LSAMP: variants seen among roughly 807,000 people sequenced by gnomAD.
The protein encoded by LSAMP is limbic system-associated membrane protein.
LSAMP carries 7 observed loss-of-function variants against 38.6 expected under a neutral mutation model. That is an observed-to-expected ratio of 0.18 (90% confidence interval 0.10 to 0.34). The LOEUF (loss-of-function observed/expected upper bound fraction) is 0.34, where lower values mean the gene tolerates loss of function less well. Among genes scored for constraint, LSAMP ranks in the 10% least tolerant of loss-of-function variants. LSAMP has a pLI of 1.00. For synonymous variants in LSAMP, 154 were observed against 166.8 expected (o/e 0.92, Z 0.59); for missense variants, 313 against 420.0 (o/e 0.75, Z 2.23).
chr3:116,164,630 T>A (rs1260724089), intron 1 of LSAMP, among the ~76,000 whole-genome samples: 1 of 123,570 alleles, frequency 8.1e-6, no homozygotes, highest in Non-Finnish European at 1.7e-5. Context: ...ATAATCCAAA[T>A]ATATATATAT....
At chr3:116,062,642 A>G (rs1425439022) in intron 2 of LSAMP, among the ~76,000 whole-genome samples, 1 of 152,200 alleles carries the variant, frequency 6.6e-6, no homozygotes, top group Non-Finnish European at 1.5e-5. Context: ...GTTATGTAAC[A>G]GTCTTCTGCG....
intron 1 of LSAMP, among the ~76,000 whole-genome samples, chr3:116,112,817 A>G (rs1322264721): frequency 6.6e-6 from 1 of 152,238 alleles, no homozygotes; most frequent in African/African-American, 2.4e-5. Flanking sequence ...ACCCTACCCA[A>G]CAATACTGTT....
chr3:116,231,298 C>T (rs2046400258), intron 1 of LSAMP, among the ~76,000 whole-genome samples: 1 of 152,122 alleles, frequency 6.6e-6, no homozygotes, highest in African/African-American at 2.4e-5. Flanking sequence ...ATGATAAGAG[C>T]TTGGGTGTGA....
rs1559863992 is a variant in LSAMP at position 115,878,912 on chromosome 3, T to C, written c.515-26295A>G. On this transcript the variant is annotated intron_variant, in intron 3 of 6. Coordinates refer to ENST00000490035, the MANE Select transcript of LSAMP (RefSeq NM_002338.5). ...AGATCTGATTAGTTTTGGTGAATTA[T>C]GGGGTCAACTTGAGTAGTGGAGACT... Among the ~76,000 whole-genome samples, 4 of 152,172 alleles carry C rather than the reference T, an allele frequency of 2.6e-5. 1 individual carries two copies. Among genetic ancestry groups the C allele is most frequent in the Admixed American group, 2.0e-4 (3 of 15,266 alleles).
chr3:115,904,776 A>T (rs954294581), intron 3 of LSAMP, among the ~76,000 whole-genome samples: 1 of 151,910 alleles, frequency 6.6e-6, no homozygotes, highest in African/African-American at 2.4e-5. Flanking sequence ...TACCTTTCCA[A>T]CCTCGTAATT....
At chr3:116,093,315 A>G (rs1039982066) in intron 1 of LSAMP, among the ~76,000 whole-genome samples, 4 of 152,206 alleles carry the variant, frequency 2.6e-5, no homozygotes, top group Admixed American at 2.0e-4. Context: ...ACAGCCCCCA[A>G]TCACAAAGAT....
intron 1 of LSAMP, among the ~76,000 whole-genome samples, chr3:116,261,810 G>A (rs1419144211): frequency 6.6e-6 from 1 of 150,778 alleles, no homozygotes; most frequent in African/African-American, 2.4e-5. Context: ...AGGTGTGTAT[G>A]TGTGTGTATT....
intron 6 of LSAMP, among the ~76,000 whole-genome samples, chr3:115,814,467 T>C (rs1933943876): frequency 6.6e-6 from 1 of 152,192 alleles, no homozygotes; most frequent in Non-Finnish European, 1.5e-5. Flanking sequence ...AATTGATTTG[T>C]TTTTCAGAAA....
chr3:116,203,493 C>A (rs189057068), intron 1 of LSAMP, among the ~76,000 whole-genome samples: 1 of 151,656 alleles, frequency 6.6e-6, no homozygotes, highest in East Asian at 1.9e-4. Flanking sequence ...TGGTGCGCTG[C>A]ACCCACTAAC....
At chr3:115,822,713 C>T (rs1934286299) in intron 6 of LSAMP, among the ~76,000 whole-genome samples, 1 of 152,130 alleles carries the variant, frequency 6.6e-6, no homozygotes. Flanking sequence ...TAAGAGTATA[C>T]ATCAAACCAG....
At chr3:116,351,732 T>C (rs536898339) in intron 1 of LSAMP, among the ~76,000 whole-genome samples, 2 of 152,228 alleles carry the variant, frequency 1.3e-5, no homozygotes, top group South Asian at 4.1e-4. Context: ...ATGTGAAAGA[T>C]TCTTTTGCTA....
intron 3 of LSAMP, among the ~76,000 whole-genome samples, chr3:116,018,266 G>A (rs1207650305): frequency 6.6e-6 from 1 of 151,972 alleles, no homozygotes; most frequent in Non-Finnish European, 1.5e-5. Flanking sequence ...TCTATAGGTT[G>A]GTCCAAATTT....
chr3:116,333,972 GT>G (rs1443183910), intron 1 of LSAMP, among the ~76,000 whole-genome samples: 2 of 151,634 alleles, frequency 1.3e-5, no homozygotes, highest in Non-Finnish European at 2.9e-5. Flanking sequence ...CTTTGAGAAG[GT>G]GAATGAAAAT....
At position 116,019,628 on chromosome 3, in the gene LSAMP, A is replaced by T. The variant is rs1281639552; in HGVS notation, c.401T>A (p.Ile134Asn). Reference protein sequence around the residue: ...VYLIVQVPPKISNISSDVTVN... With the variant: ...VYLIVQVPPKNSNISSDVTVN... ...AGTGACATCCGAGGAGATATTGGAG[A>T]TCTTTGGTGGGACTGTGAAAACAAA... The change falls in exon 3 of 7, where the codon ATC becomes AAC. Residue 134 changes from isoleucine to asparagine, a missense_variant. Coordinates refer to ENST00000490035, the MANE Select transcript of LSAMP (RefSeq NM_002338.5). 6.2e-7 allele frequency: 1 copy of T among 1,612,212 alleles called. No homozygotes were observed. Among genetic ancestry groups the T allele is most frequent in the African/African-American group, 1.3e-5 (1 of 74,998 alleles).
At chr3:116,393,194 A>C (rs929675442) in intron 1 of LSAMP, among the ~76,000 whole-genome samples, 2 of 152,178 alleles carry the variant, frequency 1.3e-5, no homozygotes, top group Admixed American at 6.5e-5. Context: ...ACTGTGGGCA[A>C]AGAGAAGGAG....
At chr3:116,306,078 A>C (rs2047481838) in intron 1 of LSAMP, among the ~76,000 whole-genome samples, 1 of 152,066 alleles carries the variant, frequency 6.6e-6, no homozygotes, top group Admixed American at 6.6e-5. Context: ...ATATTCATGA[A>C]AGGCTATCAC....
At chr3:116,265,105 AC>A (rs1190245699) in intron 1 of LSAMP, among the ~76,000 whole-genome samples, 1 of 152,148 alleles carries the variant, frequency 6.6e-6, no homozygotes, top group African/African-American at 2.4e-5. Flanking sequence ...CATTCCAATT[AC>A]CCAGCGATTT....
intron 2 of LSAMP, among the ~76,000 whole-genome samples, chr3:116,079,521 C>T (rs778101024): frequency 4.6e-5 from 7 of 151,694 alleles, no homozygotes; most frequent in African/African-American, 9.7e-5. Context: ...GGCATGGTGG[C>T]GCACGCCTGT....
rs191198553 is a variant in LSAMP at position 116,287,524 on chromosome 3, C to T, written c.155+157353G>A. Among the ~76,000 whole-genome samples, 569 of 152,156 alleles carry T rather than the reference C, an allele frequency of 3.7e-3. 1 individual carries two copies. Among genetic ancestry groups the T allele is most frequent in the African/African-American group, 0.013 (541 of 41,508 alleles). The stretch of plus-strand genomic sequence containing the variant: ...GTGTGTGTTAAATCTGGCTCTATCA[C>T]TTACTACAGCTTGGTGGATTTAACA... On this transcript the variant is annotated intron_variant, in intron 1 of 6. Coordinates refer to ENST00000490035, the MANE Select transcript of LSAMP (RefSeq NM_002338.5).
Sources: gnomAD v4.1 joint callset for allele counts (sites outside exome capture counted in the v4.1 genomes callset) on GRCh38, gnomAD v4.1.1 for gene constraint, MANE v1.5 for transcripts, NCBI Gene and HGNC (gene_info 2026-07-23, HGNC 2026-07-21) for gene names.